Variants in TMEM225B observed in about 807,000 individuals in gnomAD.
TMEM225B encodes the protein transmembrane protein 225B.
Under a neutral mutation model 16.9 loss-of-function variants are expected in TMEM225B, and 10 were observed. The ratio of observed to expected loss-of-function variants is 0.59; its 90% CI spans 0.36 to 1.00. TMEM225B has a LOEUF of 1.00. Among genes scored for constraint, TMEM225B ranks in the 50% least tolerant of loss-of-function variants. The pLI is 0.01. For missense variants in TMEM225B, 217 were observed against 267.0 expected, an observed-to-expected ratio of 0.81 and a Z score of 1.30; for synonymous variants, 92 against 109.8, an observed-to-expected ratio of 0.84 and a Z score of 1.01.
At chr7:99,600,383 A>C (rs1805257990) in intron 2 of TMEM225B, 98 bp downstream of exon 2, 2 of 685,370 alleles carry the variant, frequency 2.9e-6, no homozygotes, top group Admixed American at 4.2e-5. Context: ...GGGTTTGGAA[A>C]ATCTGGGGAG....
At position 99,601,869 on chromosome 7, in the gene TMEM225B, C is replaced by T. The variant is rs557575303; in HGVS notation, c.-4+1584C>T. Among the ~76,000 whole-genome samples, 643 of 152,318 alleles carry T rather than the reference C, an allele frequency of 4.2e-3. 7 individuals carry two copies. The highest frequency in any genetic ancestry group is 0.024 in the South Asian group (117 of 4,832). On this transcript the variant is annotated intron_variant, in intron 2 of 5. Coordinates refer to ENST00000431679, the MANE Select transcript of TMEM225B (RefSeq NM_001195541.3). ...GCAAAGACGCCCCCTTCCCTGGCTG[C>T]AGTGAGGGTCTGCATGGGGATTGGG... is the stretch of plus-strand genomic sequence containing the variant.
intron 1 of TMEM225B, among the ~76,000 whole-genome samples, chr7:99,598,966 T>G (rs182973138): frequency 1.4e-3 from 210 of 152,150 alleles, no homozygotes; most frequent in Non-Finnish European, 2.7e-3. Context: ...GTCCTTTCTG[T>G]TTTTTGAGAC....
chr7:99,600,813 G>A lies in TMEM225B; in HGVS notation c.-4+528G>A, dbSNP rs564301858. 3.3e-5 allele frequency among the ~76,000 whole-genome samples: 5 copies of A among 152,234 alleles called. No individual in the cohort carries two copies. In the East Asian group the frequency reaches 9.6e-4, roughly 29 times the overall value. On this transcript the variant is annotated intron_variant, in intron 2 of 5. Transcript: ENST00000431679. ...AGGTACAGAGGCCAGAGGAGCCTGGGGATGACGGTGATGTTCCAGGTGTGG... is the reference window on the plus strand; with the variant it reads ...AGGTACAGAGGCCAGAGGAGCCTGGAGATGACGGTGATGTTCCAGGTGTGG...
At chr7:99,604,281 C>A in intron 2 of TMEM225B, 105 bp from the exon 3 acceptor site, 1 of 721,666 alleles carries the variant, frequency 1.4e-6, no homozygotes, top group Non-Finnish European at 2.4e-6. Context: ...CACATATGCG[C>A]CACACACAGC....
rs921083979 is a variant in TMEM225B at position 99,599,437 on chromosome 7, C to T, written c.-84-768C>T. On this transcript the variant is annotated intron_variant, in intron 1 of 5. Transcript: ENST00000431679. ...AAAAAAAATTAGCCAGGTGTAATGG[C>T]ATACACCTGTAGTCCCAGCTACTCG... Among the ~76,000 whole-genome samples the T allele has an allele frequency of 8.5e-5, 13 of 152,180 alleles. No individual in the cohort carries two copies. The East Asian group carries it at 2.3e-3, about 27-fold the overall frequency.
At chr7:99,600,578 T>C (rs935950752) in intron 2 of TMEM225B, among the ~76,000 whole-genome samples, 2 of 152,180 alleles carry the variant, frequency 1.3e-5, no homozygotes, top group African/African-American at 4.8e-5. Flanking sequence ...GTCACATCTT[T>C]CATGGTGGCT....
At chr7:99,603,758 A>ATTTTTTTTTTTTTTTTT (rs58835664) in intron 2 of TMEM225B, among the ~76,000 whole-genome samples, 1 of 143,774 alleles carries the variant, frequency 7.0e-6, no homozygotes, top group Non-Finnish European at 1.5e-5. Context: ...AAATTATTTA[A>ATTTTTTTTTTTTTTTTT]TTTTTTTTTT....
At position 99,604,567 on chromosome 7, in the gene TMEM225B, C is replaced by A. The variant is rs757978007; in HGVS notation, c.179C>A (p.Ala60Asp). 2.0e-6 allele frequency: 3 copies of A among 1,535,934 alleles called. No individual in the cohort carries two copies. Among genetic ancestry groups the A allele is most frequent in the South Asian group, 1.2e-5 (1 of 84,060 alleles). Residue 60 changes from alanine (A) to aspartate (D), a missense_variant, in exon 3 of 6, where the codon GCC (alanine) becomes GAC (aspartate). Transcript: ENST00000431679. Reference protein sequence around the residue: ...FSGLFENCFNAKCWKPRPLSI... With the variant: ...FSGLFENCFNDKCWKPRPLSI... ...GGCCTATTTGAGAACTGCTTCAATG[C>A]CAAATGCTGGAAGCCTCGACCCTTA... is the stretch of plus-strand genomic sequence containing the variant.
chr7:99,603,955 A>G (rs1480761092), intron 2 of TMEM225B, among the ~76,000 whole-genome samples: 1 of 151,884 alleles, frequency 6.6e-6, no homozygotes, highest in Non-Finnish European at 1.5e-5. Flanking sequence ...GGGTTTCGCC[A>G]TGTTGCCCAG....
At chr7:99,606,097 T>G (rs552545325) in intron 3 of TMEM225B, among the ~76,000 whole-genome samples, 1 of 152,350 alleles carries the variant, frequency 6.6e-6, no homozygotes, top group African/African-American at 2.4e-5. Context: ...TTTCCCCTAG[T>G]GGATGATACA....
chr7:99,608,683 G>A (rs2151219315), intron 5 of TMEM225B, among the ~76,000 whole-genome samples: 1 of 144,366 alleles, frequency 6.9e-6, no homozygotes, highest in African/African-American at 2.6e-5. Context: ...GGAACTACAG[G>A]CATGTGCCAC....
At chr7:99,598,642 G>A (rs1448071806) in intron 1 of TMEM225B, among the ~76,000 whole-genome samples, 3 of 152,172 alleles carry the variant, frequency 2.0e-5, no homozygotes, top group East Asian at 1.9e-4. Flanking sequence ...GGTTGTCAAC[G>A]GGAAGGAACC....
intron 5 of TMEM225B, 30 bp downstream of exon 5, chr7:99,607,840 C>A: frequency 6.5e-7 from 1 of 1,531,064 alleles, no homozygotes; most frequent in Non-Finnish European, 8.7e-7. Context: ...TGCCCTGCTT[C>A]TTGTCCTCGG....
At chr7:99,600,118 T>C in intron 1 of TMEM225B, 87 bp from the exon 2 acceptor site, 1 of 688,114 alleles carries the variant, frequency 1.5e-6, no homozygotes, top group East Asian at 2.7e-5. Flanking sequence ...GGTAGTGCCC[T>C]GGGGTATACC....
chr7:99,607,807 G>A lies in TMEM225B; in HGVS notation c.490G>A (p.Ala164Thr). ...LGFGIFLFIV[A>T]GTICLIQEMV... ...CTTCGGCATCTTTCTGTTCATAGTGGCTGGTGAGTGTCCAGGGAACAGTGC... is the reference window on the plus strand; with the variant it reads ...CTTCGGCATCTTTCTGTTCATAGTGACTGGTGAGTGTCCAGGGAACAGTGC... Residue 164 changes from alanine (A) to threonine (T), a missense_variant, in exon 5 of 6, where the codon GCT becomes ACT. Ala to Thr is a moderately conservative substitution (Grantham distance 58, BLOSUM62 0). Coordinates refer to ENST00000431679, the MANE Select transcript of TMEM225B (RefSeq NM_001195541.3). 1 of 1,535,914 alleles carries A rather than the reference G, an allele frequency of 6.5e-7. No individual in the cohort carries two copies. Among genetic ancestry groups the A allele is most frequent in the Middle Eastern group, 1.7e-4 (1 of 5,990 alleles).
At chr7:99,604,942 G>C (rs1304885626) in intron 3 of TMEM225B, among the ~76,000 whole-genome samples, 2 of 152,100 alleles carry the variant, frequency 1.3e-5, no homozygotes, top group African/African-American at 4.8e-5. Flanking sequence ...GCTGCAGTGA[G>C]CTGTGATCAT....
At chr7:99,608,819 A>G (rs889318185) in intron 5 of TMEM225B, among the ~76,000 whole-genome samples, 14 of 146,414 alleles carry the variant, frequency 9.6e-5, no homozygotes, top group Admixed American at 2.7e-4. Context: ...ATAGACATAC[A>G]TATATGTGTG....
At position 99,610,615 on chromosome 7, in the gene TMEM225B, T is replaced by C. The variant is rs1157321490; in HGVS notation, c.*50T>C. ...TCTTCAAGCCATGTGAGTGTACACA[T>C]GTAGCTGTTTGTAGTCCTCCCCACC... is the stretch of plus-strand genomic sequence containing the variant. On this transcript the variant is annotated 3_prime_UTR_variant, in exon 6 of 6. Transcript: ENST00000431679. 1 of 1,478,326 alleles carries C rather than the reference T, an allele frequency of 6.8e-7. No homozygotes were observed. The highest frequency in any genetic ancestry group is 9.1e-7 in the Non-Finnish European group (1 of 1,097,548). 91.6% of individuals were successfully genotyped at this position (1,478,326 alleles called of 1,614,324 possible).
At chr7:99,609,533 G>T (rs1217029476) in intron 5 of TMEM225B, among the ~76,000 whole-genome samples, 6 of 151,846 alleles carry the variant, frequency 4.0e-5, no homozygotes, top group African/African-American at 1.5e-4. Context: ...CCGTCTCCTG[G>T]GTTCAAGCAA....
Sources: allele counts gnomAD v4.1 joint callset (sites outside exome capture counted in the v4.1 genomes callset), GRCh38; gene constraint gnomAD v4.1.1; transcripts MANE v1.5; gene names NCBI Gene and HGNC (gene_info 2026-07-23, HGNC 2026-07-21).